GCN1: variants seen among roughly 807,000 people sequenced by gnomAD.
GCN1 encodes the protein stalled ribosome sensor GCN1.
A neutral mutation model predicts 288.4 loss-of-function variants in GCN1; 90 were observed. That is an observed-to-expected ratio of 0.31 (90% CI 0.26 to 0.37). GCN1 has a LOEUF of 0.37. Among genes scored for constraint, GCN1 ranks in the 10% least tolerant of loss-of-function variants. The pLI, the probability that GCN1 is intolerant of heterozygous loss-of-function variation, is 1.00. For synonymous variants in GCN1, 1,386 were observed against 1,420.2 expected, an observed-to-expected ratio of 0.98 and a Z score of 0.54; for missense variants, 2,586 against 3,419.9, an observed-to-expected ratio of 0.76 and a Z score of 6.08.
intron 14 of GCN1, among the ~76,000 whole-genome samples, chr12:120,172,187 A>T (rs1006591738): frequency 1.3e-5 from 2 of 152,078 alleles, no homozygotes; most frequent in Non-Finnish European, 2.9e-5. Context: ...TAAGTCATGG[A>T]TGTGAGTTCA....
At position 120,147,175 on chromosome 12, in the gene GCN1, A is replaced by G. The variant is rs1394615954; in HGVS notation, c.4824T>C (p.Ile1608=). 6.2e-7 allele frequency: 1 copy of G among 1,613,180 alleles called. No individual in the cohort carries two copies. Among genetic ancestry groups the G allele is most frequent in the African/African-American group, 1.3e-5 (1 of 74,914 alleles). Residue 1608 remains isoleucine, a synonymous_variant, in exon 38 of 58, where the codon ATT becomes ATC. Coordinates refer to ENST00000300648, the MANE Select transcript of GCN1 (RefSeq NM_006836.2). ...TGATGAGGGCCAGGGATGGGGCATC[A>G]ATGAAGTGGACAAACTTGGTGTCCA... ...TLLDTKFVHF[I]DAPSLALIMP... is the part of the protein sequence containing the mutation.
chr12:120,143,527 A>G (rs899586223), intron 42 of GCN1, among the ~76,000 whole-genome samples: 8 of 151,032 alleles, frequency 5.3e-5, no homozygotes, highest in Admixed American at 4.6e-4. Context: ...GGTTGCGGTG[A>G]GCCGAGATCA....
Position 120,138,784 on chromosome 12 carries a change from C to G in GCN1, c.6067G>C (p.Glu2023Gln), listed in dbSNP as rs1877093772. The change falls in exon 46 of 58, where the codon GAG (glutamate) becomes CAG (glutamine). Residue 2023 changes from glutamate (E) to glutamine (Q), a missense_variant. By Grantham distance (29) the Glu-to-Gln change is conservative (BLOSUM62 2). Transcript: ENST00000300648. The stretch of plus-strand genomic sequence containing the variant: ...TGCTCGAAAGTCTTGGCTGCCGCCT[C>G]TCTGACCTCCTCCAGTGGGTCACAC... Reference protein sequence around the residue: ...ALCDPLEEVREAAAKTFEQLH... With the variant: ...ALCDPLEEVRQAAAKTFEQLH... The G allele has an allele frequency of 1.2e-6, 2 of 1,614,116 alleles. No individual in the cohort carries two copies. Among genetic ancestry groups the G allele is most frequent in the African/African-American group, 1.3e-5 (1 of 74,940 alleles).
chr12:120,169,296 G>GAAAAAAAGA (rs1878240778), intron 15 of GCN1, among the ~76,000 whole-genome samples: 1 of 55,736 alleles, frequency 1.8e-5, no homozygotes, highest in African/African-American at 9.9e-5. Flanking sequence ...AAAAAAAAAA[G>GAAAAAAAGA]AAAAAAAAAA....
rs905441934 is a variant in GCN1 at position 120,184,783 on chromosome 12, T to C, written c.185+41A>G. ...ACCACTACTCTAAATCCCCTCTCTG[T>C]ACAAAGTGCTCCACATATGGGGCCT... On this transcript the variant is annotated intron_variant, in intron 3 of 57. Transcript: ENST00000300648. 3 of 1,424,368 alleles carry C rather than the reference T, an allele frequency of 2.1e-6. No individual in the cohort carries two copies. The African/African-American group carries it at 4.2e-5, about 20-fold the overall frequency. 88.2% of individuals were successfully genotyped at this position (1,424,368 alleles called of 1,614,324 possible). A position where few individuals can be genotyped will look rare whatever the true frequency, so the allele number is the denominator to read the frequency against.
chr12:120,180,991 CAAA>C (rs35885269), intron 5 of GCN1, among the ~76,000 whole-genome samples: 3 of 103,642 alleles, frequency 2.9e-5, no homozygotes, highest in African/African-American at 3.4e-5. Context: ...GACTCCGTCT[CAAA>C]AAAAAAAAAA....
rs748612773 is a variant in GCN1 at position 120,134,487 on chromosome 12, C to T, written c.7202+46G>A. ...CCAGCGCAGGCTCGGCCCACAGCAA[C>T]CCCTGGCCTCCTGGAGGCCACAGTG... On this transcript the variant is annotated intron_variant, in intron 52 of 57. Transcript: ENST00000300648. The surrounding 1 kb of genome is among the most constrained non-coding windows in gnomAD (Gnocchi z 5.0). 9 of 1,597,386 alleles carry T rather than the reference C, an allele frequency of 5.6e-6. No individual in the cohort carries two copies. In the South Asian group the frequency reaches 8.8e-5, roughly 16 times the overall value.
chr12:120,153,139 T>G lies in GCN1; in HGVS notation c.4062+74A>C. The G allele has an allele frequency of 1.5e-6, 2 of 1,296,958 alleles. No individual in the cohort carries two copies. The highest frequency in any genetic ancestry group is 2.2e-6 in the Non-Finnish European group (2 of 913,928). 80.3% of individuals were successfully genotyped at this position (1,296,958 alleles called of 1,614,324 possible). A position where few individuals can be genotyped will look rare whatever the true frequency, so the allele number is the denominator to read the frequency against. ...CCTGATTGTCCAACTCCACCCCTAG[T>G]ATCCCACCGCCTAACCACAGCCGGG... On this transcript the variant is annotated intron_variant, in intron 33 of 57. Coordinates refer to ENST00000300648, the MANE Select transcript of GCN1 (RefSeq NM_006836.2). This position sits in a 1 kb window ranked among gnomAD's most constrained non-coding sequence, Gnocchi z 4.4.
chr12:120,165,270 C>T (rs909208511), intron 16 of GCN1, among the ~76,000 whole-genome samples: 1 of 152,076 alleles, frequency 6.6e-6, no homozygotes, highest in East Asian at 1.9e-4. Flanking sequence ...CTCCTGGCCT[C>T]GTGATCCACC....
rs893257248 is a variant in GCN1, at chr12:120,153,764, T to C, written c.3847A>G (p.Thr1283Ala). The part of the protein sequence containing the change: ...RKCMLDAALA[T>A]LNTHGKENVN... The stretch of plus-strand genomic sequence containing the variant: ...CTTACCTTCCCATGAGTGTTGAGCG[T>C]TGCGAGGGCTGCATCCAACATGCAC... Residue 1283 changes from threonine (T) to alanine (A), a missense_variant, in exon 32 of 58, where the codon ACG (threonine) becomes GCG (alanine). By Grantham distance (58) the Thr-to-Ala change is moderately conservative (BLOSUM62 0). Transcript: ENST00000300648. The surrounding 1 kb of genome is among the most constrained non-coding windows in gnomAD (Gnocchi z 4.4). 6.8e-6 allele frequency: 11 copies of C among 1,614,154 alleles called. No homozygotes were observed. The South Asian group carries it at 1.2e-4, about 18-fold the overall frequency.
intron 12 of GCN1, 37 bp downstream of exon 12, chr12:120,175,125 T>TA (rs1878437241): frequency 8.9e-7 from 1 of 1,127,668 alleles, no homozygotes; most frequent in Non-Finnish European, 1.2e-6. Context: ...AGACTTTCTC[T>TA]CAAAAAAAAA....
rs1407126762 is a variant in GCN1 at position 120,153,883 on chromosome 12, T to C, written c.3728A>G (p.Lys1243Arg). 3.7e-6 allele frequency: 6 copies of C among 1,613,958 alleles called. 1 individual carries two copies. The Admixed American group carries it at 5.0e-5, about 13-fold the overall frequency. ...ARCGLALALN[K>R]LSQYLDSSQV... ...AGAGCTGTCCAAATACTGGGAGAGC[T>C]TGTTGAGGGCCAACGCCAAGCCACA... The change falls in exon 32 of 58, where the codon AAG becomes AGG. Residue 1243 changes from lysine (K) to arginine (R), a missense_variant. Coordinates refer to ENST00000300648, the MANE Select transcript of GCN1 (RefSeq NM_006836.2). This position sits in a 1 kb window ranked among gnomAD's most constrained non-coding sequence, Gnocchi z 4.4.
intron 17 of GCN1, 39 bp from the exon 18 acceptor site, chr12:120,164,534 A>T: frequency 6.2e-7 from 1 of 1,608,112 alleles, no homozygotes; most frequent in East Asian, 2.2e-5. Context: ...GGGAAGGCCA[A>T]GAGCAGGGCT....
At chr12:120,188,913 T>A (rs993270841) in intron 2 of GCN1, among the ~76,000 whole-genome samples, 5 of 152,190 alleles carry the variant, frequency 3.3e-5, no homozygotes, top group Non-Finnish European at 5.9e-5. Context: ...CTATCTTTTT[T>A]AAATATTTCC....
rs755829804 is a variant in GCN1 at position 120,174,142 on chromosome 12, A to G, written c.1121T>C (p.Val374Ala). Residue 374 changes from valine (V) to alanine (A), a missense_variant, in exon 13 of 58, where the codon GTG becomes GCG. Transcript: ENST00000300648. ...SGIGSVSHHV[V>A]SGPSSQVLNG... is the part of the protein sequence containing the mutation. The stretch of plus-strand genomic sequence containing the variant: ...CAGGACCTGACTGGAAGGTCCAGAC[A>G]CCACGTGATGACTGACGCTCCCAAT... The G allele has an allele frequency of 7.5e-6, 12 of 1,601,490 alleles. No individual in the cohort carries two copies. In the Admixed American group the frequency reaches 1.0e-4, roughly 13 times the overall value.
intron 15 of GCN1, among the ~76,000 whole-genome samples, chr12:120,169,611 C>T (rs892715713): frequency 5.1e-4 from 78 of 152,262 alleles, no homozygotes; most frequent in Admixed American, 3.7e-3. Flanking sequence ...TCAAGCGATT[C>T]TCCTGCCTCA....
At position 120,128,903 on chromosome 12, in the gene GCN1, A is replaced by G. The variant is rs949821061; in HGVS notation, c.7890+373T>C. Among the ~76,000 whole-genome samples the G allele has an allele frequency of 2.5e-4, 33 of 131,196 alleles. No homozygotes were observed. The East Asian group carries it at 2.7e-3, about 11-fold the overall frequency. The allele number at this position is 131,196 out of a possible 152,430, so 86.1% of individuals were successfully genotyped here. ...GTCGCCCAGGCTGGAGTGCAGTGGC[A>G]TGATCTCAGCTCACTGCAACCTCCG... On this transcript the variant is annotated intron_variant, in intron 57 of 57. Transcript: ENST00000300648.
In GCN1 at chr12:120,127,879, C is replaced by T. The variant is rs746877799; in HGVS notation, c.7986G>A (p.Thr2662=). The T allele has an allele frequency of 2.0e-5, 33 of 1,613,820 alleles. No homozygotes were observed. Among genetic ancestry groups the T allele is most frequent in the South Asian group, 1.3e-4 (12 of 91,092 alleles). The change falls in exon 58 of 58, where the codon ACG becomes ACA. Residue 2662 remains threonine, a synonymous_variant. Coordinates refer to ENST00000300648, the MANE Select transcript of GCN1 (RefSeq NM_006836.2). The stretch of plus-strand genomic sequence containing the variant: ...TCAGGATGGTGTCGTCCACCTGCTC[C>T]GTGGAGTCGGCCTGGCTGGCCAGCT... The part of the protein sequence containing the change: ...LKKLASQADS[T]EQVDDTILT
intron 9 of GCN1, among the ~76,000 whole-genome samples, chr12:120,176,929 AT>A (rs1190322133): frequency 1.3e-5 from 2 of 151,944 alleles, no homozygotes; most frequent in African/African-American, 2.4e-5. Context: ...ACCACGCCTA[AT>A]TTTTTTCGTA....
Sources: gnomAD v4.1 joint callset for allele counts (sites outside exome capture counted in the v4.1 genomes callset) on GRCh38, gnomAD v4.1.1 for gene constraint, Gnocchi (gnomAD v3.1) non-coding constraint, MANE v1.5 for transcripts, NCBI Gene and HGNC (gene_info 2026-07-23, HGNC 2026-07-21) for gene names.